ARHGAP10: variants seen among roughly 807,000 people sequenced by gnomAD.
The protein encoded by ARHGAP10 is rho GTPase-activating protein 10.
Under a neutral mutation model 108.6 loss-of-function variants are expected in ARHGAP10, and 87 were observed. That is an observed-to-expected ratio of 0.80 (90% CI 0.67 to 0.96). The LOEUF is 0.96. Ranked by LOEUF, ARHGAP10 falls within the 40% of genes least tolerant of loss-of-function variation. The pLI, the probability that ARHGAP10 is intolerant of heterozygous loss-of-function variation, is 0.00. For synonymous variants in ARHGAP10, 347 were observed against 341.1 expected, an observed-to-expected ratio of 1.02 and a Z score of -0.19; for missense variants, 939 against 954.5, an observed-to-expected ratio of 0.98 and a Z score of 0.21.
In ARHGAP10 at chr4:147,765,347, G is replaced by GGA. The variant is rs1553947394; in HGVS notation, c.154+32893_154+32894insAG. Among the ~76,000 whole-genome samples, 2 of 143,602 alleles carry GGA rather than the reference G, an allele frequency of 1.4e-5. 1 individual carries two copies. The highest frequency in any genetic ancestry group is 1.4e-4 in the Admixed American group (2 of 14,486). 94.2% of individuals were successfully genotyped at this position (143,602 alleles called of 152,430 possible). ...TGGTGTGTGTGTGTGTGGGGGGGGG[G>GGA]GTGTGAGTGTGTGTATTTCAATGTG... On this transcript the variant is annotated intron_variant, in intron 1 of 22. Coordinates refer to ENST00000336498, the MANE Select transcript of ARHGAP10 (RefSeq NM_024605.4).
intron 1 of ARHGAP10, among the ~76,000 whole-genome samples, chr4:147,799,226 G>A (rs1445381595): frequency 2.0e-5 from 3 of 151,930 alleles, no homozygotes; most frequent in Non-Finnish European, 4.4e-5. Context: ...GTAGAGACGG[G>A]ATGGGGTTTT....
chr4:147,991,984 G>A (rs1740295267), intron 18 of ARHGAP10, among the ~76,000 whole-genome samples: 1 of 152,222 alleles, frequency 6.6e-6, no homozygotes, highest in African/African-American at 2.4e-5. Flanking sequence ...CATTCAAAAA[G>A]TGCAGGATTA....
chr4:148,023,034 A>G (rs779572408), intron 18 of ARHGAP10: 8 of 444,782 alleles, frequency 1.8e-5, no homozygotes, highest in Non-Finnish European at 2.4e-5. Flanking sequence ...TTGATATATA[A>G]CAATCTGATG....
chr4:147,900,819 TCAACAACAA>T (rs36114707), intron 10 of ARHGAP10, among the ~76,000 whole-genome samples: 15 of 150,628 alleles, frequency 1.0e-4, no homozygotes, highest in African/African-American at 2.9e-4. Flanking sequence ...ATAAATAAAT[TCAACAACAA>T]CAACAACAAC....
At chr4:148,027,869 C>T (rs1727945511) in intron 19 of ARHGAP10, among the ~76,000 whole-genome samples, 1 of 152,038 alleles carries the variant, frequency 6.6e-6, no homozygotes, top group Admixed American at 6.6e-5. Context: ...TAATTCTAAA[C>T]GATGGAATGC....
intron 1 of ARHGAP10, among the ~76,000 whole-genome samples, chr4:147,798,771 CTCTCTCTCTCTATA>C (rs1354340437): frequency 2.8e-3 from 14 of 5,018 alleles, no homozygotes; most frequent in Admixed American, 0.011. Context: ...CTCTCTCTCT[CTCTCTCTCTCTATA>C]TATATATATA....
At chr4:148,071,947 G>C in intron 22 of ARHGAP10, 46 bp from the exon 23 acceptor site, 1 of 1,557,908 alleles carries the variant, frequency 6.4e-7, no homozygotes, top group Non-Finnish European at 8.8e-7. Flanking sequence ...CAGGAGGCAA[G>C]TACTTGGGGG....
intron 18 of ARHGAP10, among the ~76,000 whole-genome samples, chr4:147,998,252 A>G (rs947930961): frequency 6.0e-4 from 91 of 152,330 alleles, no homozygotes; most frequent in African/African-American, 2.1e-3. Context: ...GAGAGGGCCT[A>G]CATGTATAAA....
rs56995861 is a variant in ARHGAP10 at position 147,793,322 on chromosome 4, T to TATATA, written c.155-29405_155-29404insATATA. Among the ~76,000 whole-genome samples, 225 of 33,978 alleles carry TATATA rather than the reference T, an allele frequency of 6.6e-3. 5 individuals carry two copies. Among genetic ancestry groups the TATATA allele is most frequent in the Middle Eastern group, 0.017 (1 of 60 alleles). The allele number at this position is 33,978 out of a possible 152,430, so 22.3% of individuals were successfully genotyped here. ...AACACACACATATATATATATATAT[T>TATATA]TTTTTTTTTTTACAAATGTACAGTT... is the stretch of plus-strand genomic sequence containing the variant. On this transcript the variant is annotated intron_variant, in intron 1 of 22. Coordinates refer to ENST00000336498, the MANE Select transcript of ARHGAP10 (RefSeq NM_024605.4).
chr4:148,071,270 AGG>A (rs1392663415), intron 22 of ARHGAP10, among the ~76,000 whole-genome samples: 1 of 152,196 alleles, frequency 6.6e-6, no homozygotes, highest in Non-Finnish European at 1.5e-5. Context: ...GAGCTCCTGG[AGG>A]GGCGGCTGGA....
At position 147,936,122 on chromosome 4, in the gene ARHGAP10, C is replaced by T. The variant is rs572706592; in HGVS notation, c.1229-3703C>T. On this transcript the variant is annotated intron_variant, in intron 13 of 22. Coordinates refer to ENST00000336498, the MANE Select transcript of ARHGAP10 (RefSeq NM_024605.4). ...GGTCAAACTTTTTAAGCTTTCTTAG[C>T]TAGAGTAGTACTGAAACCCTCTGGT... Among the ~76,000 whole-genome samples, 7 of 152,196 alleles carry T rather than the reference C, an allele frequency of 4.6e-5. No individual in the cohort carries two copies. In the East Asian group the frequency reaches 1.4e-3, roughly 29 times the overall value.
intron 1 of ARHGAP10, among the ~76,000 whole-genome samples, chr4:147,766,251 C>A (rs769106447): frequency 1.3e-5 from 2 of 152,166 alleles, no homozygotes; most frequent in Non-Finnish European, 2.9e-5. Flanking sequence ...GATCATGCCA[C>A]TGCCCTCCAG....
intron 18 of ARHGAP10, among the ~76,000 whole-genome samples, chr4:148,016,383 G>A (rs1741347747): frequency 6.6e-6 from 1 of 152,012 alleles, no homozygotes. Flanking sequence ...CGCGCCTAAA[G>A]TCCTAATTAC....
chr4:147,874,980 T>C, intron 7 of ARHGAP10, 41 bp from the exon 8 acceptor site: 3 of 1,507,982 alleles, frequency 2.0e-6, no homozygotes, highest in Non-Finnish European at 2.7e-6. Flanking sequence ...AAAACTCATA[T>C]GAGAACTTAA....
intron 16 of ARHGAP10, among the ~76,000 whole-genome samples, chr4:147,960,965 T>G (rs1738968114): frequency 6.6e-6 from 1 of 152,230 alleles, no homozygotes; most frequent in African/African-American, 2.4e-5. Flanking sequence ...TAATGGACAT[T>G]TGGGTTGTTT....
At chr4:148,003,012 G>A (rs1201353932) in intron 18 of ARHGAP10, among the ~76,000 whole-genome samples, 1 of 152,118 alleles carries the variant, frequency 6.6e-6, no homozygotes, top group African/African-American at 2.4e-5. Context: ...ATGTTAGGGT[G>A]TTAATTTTAG....
chr4:148,037,422 A>G lies in ARHGAP10; in HGVS notation c.1868-9470A>G, dbSNP rs1027977627. 4.6e-5 allele frequency among the ~76,000 whole-genome samples: 7 copies of G among 152,340 alleles called. No homozygotes were observed. In the South Asian group the frequency reaches 1.0e-3, roughly 23 times the overall value. ...CAAGATGAGTCATTGTTCTGATCCA[A>G]TATGACAGTCTGAGATGTCTCTTTT... is the stretch of plus-strand genomic sequence containing the variant. On this transcript the variant is annotated intron_variant, in intron 19 of 22. Transcript: ENST00000336498.
chr4:148,063,209 A>G lies in ARHGAP10; in HGVS notation c.2089A>G (p.Ser697Gly), dbSNP rs1366344851. ...WLNPQSPTTTSSNSAVTPLSP... is the reference protein window; with the variant it reads ...WLNPQSPTTTGSNSAVTPLSP... ...TAACCCACAGTCTCCAACCACAACAAGCTCCAACTCAGCTGTGACACCTCT... is the reference window on the plus strand; with the variant it reads ...TAACCCACAGTCTCCAACCACAACAGGCTCCAACTCAGCTGTGACACCTCT... Residue 697 changes from serine (S) to glycine (G), a missense_variant, in exon 21 of 23, where the codon AGC (serine) becomes GGC (glycine). Coordinates refer to ENST00000336498, the MANE Select transcript of ARHGAP10 (RefSeq NM_024605.4). 1.9e-6 allele frequency: 3 copies of G among 1,614,140 alleles called. No individual in the cohort carries two copies. The highest frequency in any genetic ancestry group is 2.2e-5 in the South Asian group (2 of 91,082).
rs1005881291 is a variant in ARHGAP10, at chr4:147,742,432, G to A, written c.154+9977G>A. On this transcript the variant is annotated intron_variant, in intron 1 of 22. Transcript: ENST00000336498. ...TTTCCTTTGGTTGAACTTGAGCACA[G>A]TTGTGGCTTTACCCATAGTTACAGG... is the stretch of plus-strand genomic sequence containing the variant. 1.2e-4 allele frequency among the ~76,000 whole-genome samples: 18 copies of A among 144,608 alleles called. 1 individual carries two copies. 94.9% of individuals were successfully genotyped at this position (144,608 alleles called of 152,430 possible).
Sources: gnomAD v4.1 joint callset for allele counts (sites outside exome capture counted in the v4.1 genomes callset) on GRCh38, gnomAD v4.1.1 for gene constraint, MANE v1.5 for transcripts, NCBI Gene and HGNC (gene_info 2026-07-23, HGNC 2026-07-21) for gene names.